Variants in FRAS1 observed in about 807,000 individuals in gnomAD.
The protein encoded by FRAS1 is Fraser extracellular matrix complex subunit 1.
In FRAS1, 290 loss-of-function variants were observed where a neutral mutation model predicts 435.2. The observed-to-expected ratio is 0.67, with a 90% CI of 0.61 to 0.73. FRAS1 has a LOEUF of 0.73. FRAS1 is among the 30% of genes least tolerant of loss of function. The probability of loss-of-function intolerance (pLI) is 0.00; values close to 1 mark genes in which losing one functional copy is unlikely to be tolerated. For synonymous variants in FRAS1, 1,800 were observed against 1,851.0 expected, an observed-to-expected ratio of 0.97 and a Z score of 0.71; for missense variants, 4,860 against 5,001.5, an observed-to-expected ratio of 0.97 and a Z score of 0.85.
chr4:78,496,203 G>T (rs1370698695), intron 59 of FRAS1, among the ~76,000 whole-genome samples: 2 of 152,200 alleles, frequency 1.3e-5, no homozygotes, highest in African/African-American at 4.8e-5. Context: ...GAAACACTTG[G>T]TTTCTTTCCA....
intron 62 of FRAS1, 71 bp downstream of exon 62, chr4:78,507,679 A>T: frequency 7.1e-7 from 1 of 1,403,542 alleles, no homozygotes; most frequent in Non-Finnish European, 9.6e-7. Flanking sequence ...GAAGGGAAGT[A>T]CTCTATTTCT....
intron 2 of FRAS1, among the ~76,000 whole-genome samples, chr4:78,202,297 G>T (rs1482447627): frequency 6.6e-6 from 1 of 152,154 alleles, no homozygotes; most frequent in Admixed American, 6.5e-5. Context: ...CCAAATTCGT[G>T]CCCCCTCATT....
intron 6 of FRAS1, among the ~76,000 whole-genome samples, chr4:78,261,182 TTAAG>T (rs1222797255): frequency 4.6e-5 from 7 of 152,148 alleles, no homozygotes; most frequent in African/African-American, 1.7e-4. Context: ...TTTGCTTTAA[TTAAG>T]TCTTTTTTAT....
chr4:78,147,467 T>C (rs566170413), intron 2 of FRAS1, among the ~76,000 whole-genome samples: 10 of 152,294 alleles, frequency 6.6e-5, no homozygotes, highest in African/African-American at 2.4e-4. Context: ...AGTCTCAGTT[T>C]TCCCATCTAT....
At position 78,094,129 on chromosome 4, in the gene FRAS1, G is replaced by A. The variant is rs938989187; in HGVS notation, c.108+28113G>A. 1.9e-4 allele frequency among the ~76,000 whole-genome samples: 7 copies of A among 36,830 alleles called. 2 individuals are homozygous for A. The highest frequency in any genetic ancestry group is 6.8e-4 in the African/African-American group (7 of 10,276). 24.2% of individuals were successfully genotyped at this position (36,830 alleles called of 152,430 possible). On this transcript the variant is annotated intron_variant, in intron 2 of 73. Coordinates refer to ENST00000512123, the MANE Select transcript of FRAS1 (RefSeq NM_025074.7). ...GTTTTTTTTTTTTTTTTTTTTTTTT[G>A]CAACTGTAAAAATGAAATTAGGAAA...
intron 2 of FRAS1, among the ~76,000 whole-genome samples, chr4:78,082,975 T>C (rs984665178): frequency 6.6e-6 from 1 of 152,162 alleles, no homozygotes; most frequent in African/African-American, 2.4e-5. Context: ...TTAGACTGCA[T>C]GGAGTCAGCA....
intron 2 of FRAS1, among the ~76,000 whole-genome samples, chr4:78,122,174 T>C (rs1719069763): frequency 6.6e-6 from 1 of 152,164 alleles, no homozygotes; most frequent in Admixed American, 6.5e-5. Context: ...CCCTTCCCTG[T>C]GTCCATGTGT....
At chr4:78,116,429 G>A (rs1163207349) in intron 2 of FRAS1, among the ~76,000 whole-genome samples, 1 of 152,140 alleles carries the variant, frequency 6.6e-6, no homozygotes, top group African/African-American at 2.4e-5. Flanking sequence ...TGACAGTGGG[G>A]TGTTAAAGTT....
chr4:78,186,554 T>C (rs2110058412), intron 2 of FRAS1, among the ~76,000 whole-genome samples: 1 of 152,264 alleles, frequency 6.6e-6, no homozygotes, highest in South Asian at 2.1e-4. Context: ...ATAGATATAG[T>C]TTTAAGACAA....
At chr4:78,066,190 A>T (rs1385249589) in intron 2 of FRAS1, among the ~76,000 whole-genome samples, 174 bp downstream of exon 2, 1 of 152,196 alleles carries the variant, frequency 6.6e-6, no homozygotes, top group Non-Finnish European at 1.5e-5. Context: ...TACCTTTTCC[A>T]GAGTGAATTA....
chr4:78,174,253 A>G (rs2903455), intron 2 of FRAS1, among the ~76,000 whole-genome samples: 22,892 of 152,254 alleles, frequency 0.15, 2,028 homozygotes, highest in East Asian at 0.36. Flanking sequence ...ATCACAGTCC[A>G]CTTAGGTCAC....
At chr4:78,192,438 C>T (rs1273928288) in intron 2 of FRAS1, among the ~76,000 whole-genome samples, 1 of 152,186 alleles carries the variant, frequency 6.6e-6, no homozygotes, top group African/African-American at 2.4e-5. Flanking sequence ...TAATTATTGC[C>T]TCAATTTCAG....
chr4:78,279,936 C>G (rs574155034), intron 10 of FRAS1, among the ~76,000 whole-genome samples: 4 of 152,266 alleles, frequency 2.6e-5, no homozygotes, highest in African/African-American at 7.2e-5. Flanking sequence ...AATTTCTGTT[C>G]ATGTTTTCCA....
At chr4:78,432,309 C>T (rs769578987) in intron 37 of FRAS1, 48 bp from the exon 38 acceptor site, 4 of 1,527,038 alleles carry the variant, frequency 2.6e-6, no homozygotes, top group African/African-American at 1.4e-5. Context: ...TAATGAAAAG[C>T]ATTATTCCCA....
chr4:78,440,185 C>T (rs1483323602), intron 40 of FRAS1, among the ~76,000 whole-genome samples: 5 of 151,316 alleles, frequency 3.3e-5, no homozygotes, highest in African/African-American at 9.7e-5. Flanking sequence ...CGCCCGCCAC[C>T]GCGCCCGGCT....
At chr4:78,539,497 A>G in intron 73 of FRAS1, 57 bp downstream of exon 73, 1 of 1,297,920 alleles carries the variant, frequency 7.7e-7, no homozygotes, top group Non-Finnish European at 1.1e-6. Context: ...AAGCTTGAAA[A>G]AAAAAAAAAA....
chr4:78,070,225 G>A (rs1740267700), intron 2 of FRAS1, among the ~76,000 whole-genome samples: 2 of 145,074 alleles, frequency 1.4e-5, no homozygotes, highest in East Asian at 2.0e-4. Context: ...TACTATATAT[G>A]TTTATATATG....
chr4:78,267,118 C>T lies in FRAS1; in HGVS notation c.790-123C>T, dbSNP rs922839521. 4.3e-5 allele frequency: 44 copies of T among 1,026,298 alleles called. 1 individual carries two copies. Among genetic ancestry groups the T allele is most frequent in the African/African-American group, 1.5e-4 (9 of 61,478 alleles). The allele number at this position is 1,026,298 out of a possible 1,614,324, so 63.6% of individuals were successfully genotyped here. A position where few individuals can be genotyped will look rare whatever the true frequency, so the allele number is the denominator to read the frequency against. On this transcript the variant is annotated intron_variant, in intron 8 of 73. Transcript: ENST00000512123. The stretch of plus-strand genomic sequence containing the variant: ...TTGAGGTGCAAGGGACCCTGCCCAT[C>T]GTGGGTCGGGCCAGAGAAAGAGCCA...
intron 2 of FRAS1, among the ~76,000 whole-genome samples, chr4:78,217,076 G>C (rs1371563059): frequency 7.3e-6 from 1 of 137,088 alleles, no homozygotes; most frequent in African/African-American, 2.5e-5. Context: ...AAGATAGCTA[G>C]ATAACTAGAT....
Sources: gnomAD v4.1 joint callset for allele counts (sites outside exome capture counted in the v4.1 genomes callset) on GRCh38, gnomAD v4.1.1 for gene constraint, MANE v1.5 for transcripts, NCBI Gene and HGNC (gene_info 2026-07-23, HGNC 2026-07-21) for gene names.